The following PAXBP1 variants were observed in gnomAD, a reference collection of about 807,000 sequenced individuals.
The protein encoded by PAXBP1 is PAX3 and PAX7 binding protein 1, also known as PAX3- and PAX7-binding protein 1.
Under a neutral mutation model 119.9 loss-of-function variants are expected in PAXBP1, and 44 were observed. The observed-to-expected ratio is 0.37, with a 90% CI of 0.29 to 0.47. The LOEUF (loss-of-function observed/expected upper bound fraction) is 0.47, where lower values mean the gene tolerates loss of function less well. Ranked by LOEUF, PAXBP1 falls within the 20% of genes least tolerant of loss-of-function variation. PAXBP1 has a pLI of 0.99. For synonymous variants in PAXBP1, 393 were observed against 406.6 expected, an observed-to-expected ratio of 0.97 and a Z score of 0.40; for missense variants, 898 against 1,134.1, an observed-to-expected ratio of 0.79 and a Z score of 2.99.
chr21:32,769,748 CA>C, intron 2 of PAXBP1, 65 bp downstream of exon 2: 1 of 1,547,508 alleles, frequency 6.5e-7, no homozygotes. Context: ...AGATATACAG[CA>C]AATCACTGTG....
rs569270227 is a variant in PAXBP1, at chr21:32,734,635, G to A, written c.*315C>T. The A allele has an allele frequency of 9.1e-5, 26 of 286,908 alleles. No individual in the cohort carries two copies. The highest frequency in any genetic ancestry group is 5.7e-4 in the African/African-American group (25 of 44,210). 17.8% of individuals were successfully genotyped at this position (286,908 alleles called of 1,614,324 possible). A position where few individuals can be genotyped will look rare whatever the true frequency, so the allele number is the denominator to read the frequency against. On this transcript the variant is annotated 3_prime_UTR_variant, in exon 18 of 18. Transcript: ENST00000331923. ...TCCATGGTGGTATAAATATATATAT[G>A]CATAATTACACAATTTACACTGCAC...
At chr21:32,753,177 G>A (rs1039034185) in intron 8 of PAXBP1, among the ~76,000 whole-genome samples, 2 of 151,450 alleles carry the variant, frequency 1.3e-5, no homozygotes, top group Non-Finnish European at 2.9e-5. Flanking sequence ...ATCATTATAC[G>A]GCTGGGCACG....
chr21:32,750,996 C>T lies in PAXBP1; in HGVS notation c.1644G>A (p.Lys548=). ...RRRQAREQTG[K]MADHLEGLSS... is the part of the protein sequence containing the mutation. ...AAAGGCCTTCAAGGTGATCTGCCAT[C>T]TTACCGGTTTGTTCTCTGGCTTGTC... is the stretch of plus-strand genomic sequence containing the variant. Residue 548 remains lysine, a synonymous_variant, in exon 10 of 18, where the codon AAG becomes AAA. Coordinates refer to ENST00000331923, the MANE Select transcript of PAXBP1 (RefSeq NM_016631.4). 1 of 1,614,144 alleles carries T rather than the reference C, an allele frequency of 6.2e-7. No homozygotes were observed. The highest frequency in any genetic ancestry group is 8.5e-7 in the Non-Finnish European group (1 of 1,180,026).
At chr21:32,770,390 T>G (rs1201724401) in intron 1 of PAXBP1, among the ~76,000 whole-genome samples, 2 of 152,180 alleles carry the variant, frequency 1.3e-5, no homozygotes, top group African/African-American at 4.8e-5. Flanking sequence ...TCACTTTTCT[T>G]TGATTTGAAA....
chr21:32,745,439 T>C (rs1375063086), intron 12 of PAXBP1, 135 bp downstream of exon 12: 3 of 1,271,672 alleles, frequency 2.4e-6, no homozygotes, highest in Non-Finnish European at 3.3e-6. Flanking sequence ...CCTCTAGCCA[T>C]CTCTGGGCCA....
At chr21:32,756,379 A>G in intron 7 of PAXBP1, 1 of 512,118 alleles carries the variant, frequency 2.0e-6, no homozygotes, top group Non-Finnish European at 3.9e-6. Flanking sequence ...CTGCAAATGG[A>G]AAATAAAAAA....
chr21:32,749,273 C>T (rs1205594169), intron 10 of PAXBP1, among the ~76,000 whole-genome samples: 2 of 151,822 alleles, frequency 1.3e-5, no homozygotes, highest in South Asian at 2.1e-4. Context: ...CAGCTCACTG[C>T]AATCTCTGCC....
Position 32,769,869 on chromosome 21 carries a change from A to G in PAXBP1, c.417T>C (p.Tyr139=), listed in dbSNP as rs745885384. The part of the protein sequence containing the change: ...KKIVKLLKKE[Y]KEDLEKSKIK... ...TCTTCGATTTTTCAAGATCTTCTTT[A>G]TATTCCTTCTTGAGCAATTTTACTA... Residue 139 remains tyrosine, a synonymous_variant, in exon 2 of 18, where the codon TAT becomes TAC. Transcript: ENST00000331923. 7.5e-6 allele frequency: 12 copies of G among 1,599,628 alleles called. No homozygotes were observed. The highest frequency in any genetic ancestry group is 1.7e-4 in the Middle Eastern group (1 of 5,978).
At position 32,734,092 on chromosome 21, in the gene PAXBP1, T is replaced by C. The variant is rs1038397668; in HGVS notation, c.*858A>G. On this transcript the variant is annotated 3_prime_UTR_variant, in exon 18 of 18. Transcript: ENST00000331923. Reference sequence around the variant, plus strand: ...AGAAGACCATGGATATTAAATTGCCTGGGTGTGGCTAATCAGCAAGGCGTA... The same window carrying C: ...AGAAGACCATGGATATTAAATTGCCCGGGTGTGGCTAATCAGCAAGGCGTA... The C allele has an allele frequency of 3.3e-5, 5 of 152,626 alleles. No homozygotes were observed. Among genetic ancestry groups the C allele is most frequent in the Admixed American group, 1.3e-4 (2 of 15,284 alleles). The allele number at this position is 152,626 out of a possible 1,614,324, so 9.5% of individuals were successfully genotyped here.
chr21:32,746,888 T>C (rs997575915), intron 11 of PAXBP1, among the ~76,000 whole-genome samples: 2 of 152,168 alleles, frequency 1.3e-5, no homozygotes, highest in Non-Finnish European at 2.9e-5. Flanking sequence ...ATATACACCA[T>C]GGAATACTAT....
At chr21:32,748,293 C>CA (rs1282593191) in intron 11 of PAXBP1, among the ~76,000 whole-genome samples, 22 of 151,656 alleles carry the variant, frequency 1.5e-4, no homozygotes, top group Non-Finnish European at 2.8e-4. Flanking sequence ...ACAACAACAA[C>CA]AAAAAAAACA....
chr21:32,771,265 G>T, intron 1 of PAXBP1, 61 bp downstream of exon 1: 2 of 1,443,978 alleles, frequency 1.4e-6, no homozygotes, highest in East Asian at 2.7e-5. Flanking sequence ...TACGGGGGCG[G>T]GGGACGGGGG....
intron 5 of PAXBP1, 124 bp from the exon 6 acceptor site, chr21:32,760,118 T>TG: frequency 1.4e-6 from 1 of 700,004 alleles, no homozygotes; most frequent in Non-Finnish European, 2.3e-6. Context: ...ATGTAATAAT[T>TG]GCAGAATTCT....
intron 3 of PAXBP1, among the ~76,000 whole-genome samples, chr21:32,763,225 C>T (rs942196497): frequency 1.7e-4 from 26 of 152,102 alleles, no homozygotes; most frequent in Middle Eastern, 3.2e-3. Context: ...ATTAATGCCT[C>T]CCTACTTGCC....
At chr21:32,767,351 T>C (rs2044258570) in intron 2 of PAXBP1, among the ~76,000 whole-genome samples, 1 of 152,176 alleles carries the variant, frequency 6.6e-6, no homozygotes, top group Admixed American at 6.5e-5. Flanking sequence ...AGACTCCGCC[T>C]TCAGAGGACA....
chr21:32,767,686 A>G (rs1321399714), intron 2 of PAXBP1, among the ~76,000 whole-genome samples: 1 of 151,768 alleles, frequency 6.6e-6, no homozygotes, highest in Non-Finnish European at 1.5e-5. Flanking sequence ...CTTCCTCCTC[A>G]TTTTCTCTTG....
intron 4 of PAXBP1, among the ~76,000 whole-genome samples, chr21:32,761,544 T>C (rs185509462): frequency 1.3e-5 from 2 of 152,382 alleles, no homozygotes; most frequent in East Asian, 3.9e-4. Context: ...CACAATGATA[T>C]TAGTTTTTAA....
rs1362974445 is a variant in PAXBP1 at position 32,762,121 on chromosome 21, T to C, written c.846A>G (p.Gln282=). 2.5e-6 allele frequency: 4 copies of C among 1,614,208 alleles called. No individual in the cohort carries two copies. The highest frequency in any genetic ancestry group is 1.1e-5 in the South Asian group (1 of 91,090). The change falls in exon 4 of 18, where the codon CAA becomes CAG. Residue 282 remains glutamine, a synonymous_variant. Transcript: ENST00000331923. ...RIVFSVKEKS[Q]RQKIAEEIGI... The stretch of plus-strand genomic sequence containing the variant: ...CTATTTCCTCAGCAATTTTTTGTCT[T>C]TGTGACTTTTCTTTCACAGAAAAAA...
At chr21:32,744,559 T>C (rs2043843126) in intron 13 of PAXBP1, among the ~76,000 whole-genome samples, 1 of 152,036 alleles carries the variant, frequency 6.6e-6, no homozygotes, top group Non-Finnish European at 1.5e-5. Context: ...TCCTTCCATA[T>C]TGATTTTTTT....
Sources: allele counts gnomAD v4.1 joint callset (sites outside exome capture counted in the v4.1 genomes callset), GRCh38; gene constraint gnomAD v4.1.1; transcripts MANE v1.5; gene names NCBI Gene and HGNC (gene_info 2026-07-23, HGNC 2026-07-21).